COL24A1: variants seen among roughly 807,000 people sequenced by gnomAD.
The protein encoded by COL24A1 is collagen alpha-1(XXIV) chain.
In COL24A1, 224 loss-of-function variants were observed where a neutral mutation model predicts 253.9. That is an observed-to-expected ratio of 0.88 (90% CI 0.79 to 0.99). COL24A1 has a LOEUF of 0.99. Among genes scored for constraint, COL24A1 ranks in the 50% least tolerant of loss-of-function variants. COL24A1 has a pLI of 0.00. For synonymous variants in COL24A1, 685 were observed against 673.7 expected, an observed-to-expected ratio of 1.02 and a Z score of -0.26; for missense variants, 2,131 against 2,068.5, an observed-to-expected ratio of 1.03 and a Z score of -0.59.
intron 47 of COL24A1, among the ~76,000 whole-genome samples, chr1:85,801,327 C>T (rs182369343): frequency 1.6e-4 from 24 of 152,300 alleles, no homozygotes; most frequent in African/African-American, 4.6e-4. Context: ...TGCACTGCAT[C>T]GCTGGGGTTC....
chr1:85,839,562 A>C (rs2102229726), intron 42 of COL24A1, among the ~76,000 whole-genome samples: 1 of 152,050 alleles, frequency 6.6e-6, no homozygotes, highest in Middle Eastern at 3.4e-3. Flanking sequence ...TGTCTCTAAA[A>C]AAAATTAAAA....
chr1:85,785,668 G>C (rs1002666397), intron 48 of COL24A1, among the ~76,000 whole-genome samples: 2 of 152,212 alleles, frequency 1.3e-5, no homozygotes, highest in African/African-American at 4.8e-5. Flanking sequence ...ATGATTTTCA[G>C]TTTACCCACA....
At chr1:85,824,031 C>A (rs1304699556) in intron 43 of COL24A1, among the ~76,000 whole-genome samples, 2 of 151,966 alleles carry the variant, frequency 1.3e-5, no homozygotes, top group Non-Finnish European at 2.9e-5. Context: ...TCCCCAGAAT[C>A]TGTGAATGTG....
At chr1:85,875,076 C>T (rs1441899571) in intron 34 of COL24A1, among the ~76,000 whole-genome samples, 1 of 152,176 alleles carries the variant, frequency 6.6e-6, no homozygotes, top group Non-Finnish European at 1.5e-5. Flanking sequence ...AAACTGTCTT[C>T]CATGAAACTT....
intron 37 of COL24A1, among the ~76,000 whole-genome samples, chr1:85,851,545 G>A (rs960395516): frequency 6.6e-6 from 1 of 152,064 alleles, no homozygotes; most frequent in African/African-American, 2.4e-5. Context: ...AAGTGATTTT[G>A]CCAATTTACA....
rs61616564 is a variant in COL24A1 at position 85,785,826 on chromosome 1, C to T, written c.4059+528G>A. 5.3e-3 allele frequency among the ~76,000 whole-genome samples: 801 copies of T among 152,272 alleles called. 10 individuals are homozygous for T. The highest frequency in any genetic ancestry group is 0.018 in the African/African-American group (756 of 41,550). On this transcript the variant is annotated intron_variant, in intron 48 of 59. Transcript: ENST00000370571. ...TAATTTCTAAGTTGTCTGGGTCAAT[C>T]CTGTATGAGATATTTCTAAAAGAGG...
chr1:86,082,748 A>G (rs991758347), intron 7 of COL24A1, among the ~76,000 whole-genome samples: 1 of 148,272 alleles, frequency 6.7e-6, no homozygotes, highest in African/African-American at 2.5e-5. Context: ...TAATACTTTA[A>G]TGATTTACTT....
At chr1:86,082,255 C>T (rs1702695049) in intron 7 of COL24A1, among the ~76,000 whole-genome samples, 1 of 152,166 alleles carries the variant, frequency 6.6e-6, no homozygotes, top group Non-Finnish European at 1.5e-5. Context: ...TTTAACATGG[C>T]CTATAAATCC....
chr1:85,896,261 AC>A, intron 29 of COL24A1, 94 bp downstream of exon 29: 1 of 1,310,784 alleles, frequency 7.6e-7, no homozygotes, highest in Non-Finnish European at 1.1e-6. Flanking sequence ...TTAGAACCAT[AC>A]TTTTGTAGGG....
At chr1:86,107,506 G>GT (rs1553135962) in intron 5 of COL24A1, among the ~76,000 whole-genome samples, 5 of 144,518 alleles carry the variant, frequency 3.5e-5, no homozygotes, top group Non-Finnish European at 7.6e-5. Flanking sequence ...TGACACAATG[G>GT]TAATTTATTT....
chr1:85,842,800 C>T (rs1056848498), intron 39 of COL24A1, among the ~76,000 whole-genome samples: 7 of 152,058 alleles, frequency 4.6e-5, no homozygotes, highest in Non-Finnish European at 8.8e-5. Flanking sequence ...GAACTCCATA[C>T]TCATTGTTAG....
intron 37 of COL24A1, among the ~76,000 whole-genome samples, chr1:85,866,877 G>GAGA (rs1679854329): frequency 6.6e-6 from 1 of 152,178 alleles, no homozygotes; most frequent in Non-Finnish European, 1.5e-5. Flanking sequence ...GGGAAGGACA[G>GAGA]AGAAGAAATG....
Position 85,730,468 on chromosome 1 carries a change from C to A in COL24A1, c.*78G>T. ...CTTTATTACATGCATTTCATAATGACTGTATCTGTCTGTCTTATTTCTCCC... is the reference window on the plus strand; with the variant it reads ...CTTTATTACATGCATTTCATAATGAATGTATCTGTCTGTCTTATTTCTCCC... On this transcript the variant is annotated 3_prime_UTR_variant, in exon 60 of 60. Coordinates refer to ENST00000370571, the MANE Select transcript of COL24A1 (RefSeq NM_152890.7). 6.9e-7 allele frequency: 1 copy of A among 1,443,270 alleles called. No individual in the cohort carries two copies. The allele number at this position is 1,443,270 out of a possible 1,614,324, so 89.4% of individuals were successfully genotyped here. A position where few individuals can be genotyped will look rare whatever the true frequency, so the allele number is the denominator to read the frequency against.
intron 24 of COL24A1, among the ~76,000 whole-genome samples, chr1:85,942,311 C>T (rs763551188): frequency 3.9e-5 from 6 of 152,088 alleles, no homozygotes; most frequent in African/African-American, 9.7e-5. Flanking sequence ...CATCATTGGT[C>T]GGAATGAAAT....
At chr1:85,737,578 T>TTTGA in intron 57 of COL24A1, 73 bp from the exon 58 acceptor site, 1 of 1,010,720 alleles carries the variant, frequency 9.9e-7, no homozygotes, top group Non-Finnish European at 1.4e-6. Flanking sequence ...TTTTTTTTTT[T>TTTGA]GAGAGAGAGA....
chr1:86,125,383 T>A lies in COL24A1; in HGVS notation c.953A>T (p.Gln318Leu), dbSNP rs748611459. ...ATCCACAGCAGAGACATTTCCTGAC[T>A]GAAGAGAAGATAACTGAGATCTTGA... ...QISRSQLSSL[Q>L]SGNVSAVDLT... is the part of the protein sequence containing the mutation. Residue 318 changes from glutamine to leucine, a missense_variant, in exon 3 of 60, where the codon CAG becomes CTG. Transcript: ENST00000370571. The A allele has an allele frequency of 8.1e-6, 13 of 1,613,578 alleles. No homozygotes were observed. The Admixed American group carries it at 2.2e-4, about 27-fold the overall frequency.
intron 21 of COL24A1, 138 bp from the exon 22 acceptor site, chr1:85,970,409 A>G (rs1692038089): frequency 3.5e-6 from 3 of 861,330 alleles, no homozygotes; most frequent in Non-Finnish European, 3.4e-6. Context: ...ATTTTCTTGT[A>G]CTTTGAACTC....
chr1:85,875,716 G>GACACACACAC (rs141827930), intron 33 of COL24A1, among the ~76,000 whole-genome samples: 284 of 141,102 alleles, frequency 2.0e-3, no homozygotes, highest in Non-Finnish European at 2.8e-3. Flanking sequence ...CATTATAAAA[G>GACACACACAC]ACACACACAC....
rs376293851 is a variant in COL24A1 at position 86,012,117 on chromosome 1, C to G, written c.2310+5034G>C. On this transcript the variant is annotated intron_variant, in intron 19 of 59. Transcript: ENST00000370571. ...TACAAGCATAAGCCACCATGCCCAG[C>G]CTTAAAAATAAAAAAAATAAATAAA... is the stretch of plus-strand genomic sequence containing the variant. Among the ~76,000 whole-genome samples the G allele has an allele frequency of 9.9e-5, 15 of 151,370 alleles. No individual in the cohort carries two copies. The East Asian group carries it at 1.4e-3, about 14-fold the overall frequency.
Sources: gnomAD v4.1 joint callset for allele counts (sites outside exome capture counted in the v4.1 genomes callset) on GRCh38, gnomAD v4.1.1 for gene constraint, MANE v1.5 for transcripts, NCBI Gene and HGNC (gene_info 2026-07-23, HGNC 2026-07-21) for gene names.